The following EIF3I variants were observed in gnomAD, a reference collection of about 807,000 sequenced individuals.
EIF3I encodes the protein eukaryotic translation initiation factor 3 subunit I.
Under a neutral mutation model 43.3 loss-of-function variants are expected in EIF3I, and 20 were observed. The ratio of observed to expected loss-of-function variants is 0.46; its 90% CI spans 0.32 to 0.67. EIF3I has a LOEUF of 0.67. Ranked by LOEUF, EIF3I falls within the 30% of genes least tolerant of loss-of-function variation. EIF3I has a pLI of 0.03. For synonymous variants in EIF3I, 167 were observed against 151.7 expected, an observed-to-expected ratio of 1.10 and a Z score of -0.74; for missense variants, 279 against 421.4, an observed-to-expected ratio of 0.66 and a Z score of 2.96.
chr1:32,222,964 C>G (rs1306767458), intron 2 of EIF3I, among the ~76,000 whole-genome samples: 2 of 152,138 alleles, frequency 1.3e-5, no homozygotes, highest in African/African-American at 4.8e-5. Flanking sequence ...ATGGTGGCCT[C>G]GCGCCTGTGG....
In EIF3I at chr1:32,230,272, ACT is replaced by A. The variant is rs1198703005; in HGVS notation, c.813_814del (p.Cys272LeufsTer29). ...TTATTATTTTTTGAGACAGGGTCTCACTCTGTTGCCCAGGCTGGAGTGCAGTG... is the reference window on the plus strand; with the variant it reads ...TTATTATTTTTTGAGACAGGGTCTCACTGTTGCCCAGGCTGGAGTGCAGTG... On this transcript the variant is annotated frameshift_variant, in exon 10 of 12. Coordinates refer to ENST00000676679, the Ensembl canonical transcript of EIF3I. LOFTEE classifies it high-confidence loss of function. 6.6e-6 allele frequency among the ~76,000 whole-genome samples: 1 copy of A among 151,358 alleles called. No homozygotes were observed. Among genetic ancestry groups the A allele is most frequent in the African/African-American group, 2.4e-5 (1 of 41,184 alleles).
downstream of EIF3I, among the ~76,000 whole-genome samples, chr1:32,235,953 G>A (rs1639292865): frequency 6.6e-6 from 1 of 152,158 alleles, no homozygotes; most frequent in Non-Finnish European, 1.5e-5. Flanking sequence ...CTGTTTAAAA[G>A]CCTTCAGTGG....
chr1:32,225,762 C>T (rs1004953506), intron 4 of EIF3I, among the ~76,000 whole-genome samples: 3 of 151,764 alleles, frequency 2.0e-5, no homozygotes, highest in African/African-American at 4.8e-5. Context: ...GTGGCTCACA[C>T]CTGTAATCCC....
intron 2 of EIF3I, 56 bp from the exon 3 acceptor site, chr1:32,223,978 T>C (rs1351126229): frequency 2.6e-6 from 4 of 1,553,020 alleles, no homozygotes; most frequent in East Asian, 2.2e-5. Context: ...TGGGGCAAAA[T>C]AGGAAGCCAT....
intron 10 of EIF3I, among the ~76,000 whole-genome samples, 167 bp from the exon 10 acceptor site, chr1:32,230,760 G>T (rs2124269189): frequency 6.6e-6 from 1 of 152,284 alleles, no homozygotes; most frequent in Non-Finnish European, 1.5e-5. Flanking sequence ...GGAGGGGGAG[G>T]TTCCAGTGAA....
chr1:32,229,344 T>G, intron 9 of EIF3I, 136 bp downstream of exon 9: 1 of 868,474 alleles, frequency 1.2e-6, no homozygotes, highest in South Asian at 1.9e-5. Context: ...CACTGCAAGC[T>G]CTGCCTCCCG....
At chr1:32,235,522 T>C (rs941405594), downstream of EIF3I, among the ~76,000 whole-genome samples, 4 of 152,244 alleles carry the variant, frequency 2.6e-5, no homozygotes, top group African/African-American at 9.6e-5. Flanking sequence ...GGTTTCACCA[T>C]GTTGGCCAGA....
At chr1:32,228,807 C>T (rs754758199) in exon 8 of EIF3I, 2 of 1,613,688 alleles carry the variant, frequency 1.2e-6, no homozygotes, top group Non-Finnish European at 1.7e-6. Context: ...TCTCCCCCAA[C>T]TATGACCATG....
In EIF3I at chr1:32,223,430, C is replaced by T. The variant is rs184778272; in HGVS notation, c.97-604C>T. 2.6e-3 allele frequency among the ~76,000 whole-genome samples: 393 copies of T among 152,280 alleles called. 1 individual carries two copies. The highest frequency in any genetic ancestry group is 9.2e-3 in the African/African-American group (383 of 41,560). ...TCCCTAGTAGCTGGGACTACAGGCT[C>T]GTGCCACCATGCCCAGCTAATTTTT... is the stretch of plus-strand genomic sequence containing the variant. On this transcript the variant is annotated intron_variant, in intron 2 of 11. Transcript: ENST00000676679.
Position 32,224,179 on chromosome 1 carries a change from TGAGTTGG to T in EIF3I, c.184+74_184+80del, listed in dbSNP as rs551944462. On this transcript the variant is annotated intron_variant, in intron 3 of 11. Coordinates refer to ENST00000676679, the Ensembl canonical transcript of EIF3I. The stretch of plus-strand genomic sequence containing the variant: ...TAGGGTCTGTCAGCGATGGAGAGGC[TGAGTTGG>T]GAGTTGGGAGTTGGGGGTGCTGTTG... 517 of 1,577,106 alleles carry T rather than the reference TGAGTTGG, an allele frequency of 3.3e-4. 1 individual carries two copies. Among genetic ancestry groups the T allele is most frequent in the African/African-American group, 2.6e-3 (195 of 74,142 alleles).
intron 2 of EIF3I, among the ~76,000 whole-genome samples, chr1:32,223,011 TTGAGCGCGG>T (rs1639055002): frequency 6.6e-6 from 1 of 152,160 alleles, no homozygotes; most frequent in African/African-American, 2.4e-5. Context: ...AGAGGATCGC[TTGAGCGCGG>T]TGAGCTGAGA....
At chr1:32,223,110 G>A (rs1326888392) in intron 2 of EIF3I, among the ~76,000 whole-genome samples, 5 of 152,148 alleles carry the variant, frequency 3.3e-5, no homozygotes, top group Non-Finnish European at 7.3e-5. Context: ...CCCAGAGAAC[G>A]GGATGCGACC....
downstream of EIF3I, chr1:32,232,112 G>T (rs948427542): frequency 2.0e-5 from 3 of 152,532 alleles, no homozygotes; most frequent in Non-Finnish European, 4.4e-5. Context: ...GGGTTCTGGA[G>T]TCTTTGTTGC....
exon 11 of EIF3I, chr1:32,230,966 C>G (rs539868826): frequency 1.2e-6 from 2 of 1,601,176 alleles, no homozygotes; most frequent in South Asian, 2.3e-5. Context: ...TTGGAAGAGT[C>G]AAGGGTCACT....
At chr1:32,226,630 C>A in intron 6 of EIF3I, 100 bp downstream of exon 6, 3 of 1,235,886 alleles carry the variant, frequency 2.4e-6, no homozygotes, top group South Asian at 2.5e-5. Context: ...GCAGTGGCGC[C>A]ATCTCGGCTC....
At chr1:32,235,095 C>T (rs1639282349), downstream of EIF3I, 1 of 152,838 alleles carries the variant, frequency 6.5e-6, no homozygotes, top group Non-Finnish European at 1.5e-5. Context: ...GCATGAAGCT[C>T]TCCTGCAGGG....
chr1:32,225,769 T>G (rs1639133591), intron 4 of EIF3I, among the ~76,000 whole-genome samples: 1 of 151,036 alleles, frequency 6.6e-6, no homozygotes, highest in African/African-American at 2.4e-5. Context: ...ACACCTGTAA[T>G]CCCAGCACTT....
At chr1:32,229,288 T>A in intron 9 of EIF3I, 80 bp downstream of exon 9, 2 of 1,448,598 alleles carry the variant, frequency 1.4e-6, no homozygotes, top group Non-Finnish European at 1.9e-6. Flanking sequence ...TGAGATGGAG[T>A]CTCGCTCTGT....
chr1:32,224,173 A>G, intron 3 of EIF3I, 52 bp downstream of exon 3: 3 of 1,585,382 alleles, frequency 1.9e-6, no homozygotes, highest in Non-Finnish European at 2.6e-6. Context: ...TCAGCGATGG[A>G]GAGGCTGAGT....
Sources: gnomAD v4.1 joint callset for allele counts (sites outside exome capture counted in the v4.1 genomes callset) on GRCh38, gnomAD v4.1.1 for gene constraint, MANE v1.5 for transcripts, NCBI Gene and HGNC (gene_info 2026-07-23, HGNC 2026-07-21) for gene names.